Variants in ARHGAP27 observed in about 807,000 individuals in gnomAD.
The protein encoded by ARHGAP27 is rho GTPase-activating protein 27.
ARHGAP27 carries 53 observed loss-of-function variants against 102.0 expected under a neutral mutation model. The observed-to-expected ratio is 0.52, with a 90% CI of 0.42 to 0.65. The LOEUF (loss-of-function observed/expected upper bound fraction) is 0.65. Among genes scored for constraint, ARHGAP27 ranks in the 30% least tolerant of loss-of-function variants. The pLI, the probability that ARHGAP27 is intolerant of heterozygous loss-of-function variation, is 0.00. For synonymous variants in ARHGAP27, 525 were observed against 542.8 expected (o/e 0.97, Z 0.46); for missense variants, 1,117 against 1,256.2 (o/e 0.89, Z 1.68).
At position 45,432,427 on chromosome 17, in the gene ARHGAP27, G is replaced by A. The variant is rs189623303; in HGVS notation, c.-284-78C>T. On this transcript the variant is annotated intron_variant, in intron 1 of 19. Transcript: ENST00000685559. ...AGCGCGACAGCGCACCAGTCGCCAG[G>A]AGGTCCCCTGCGTCCACTGCCCAGG... is the stretch of plus-strand genomic sequence containing the variant. 597 of 153,032 alleles carry A rather than the reference G, an allele frequency of 3.9e-3. 3 individuals are homozygous for A. The highest frequency in any genetic ancestry group is 4.2e-3 in the Non-Finnish European group (287 of 68,228). The allele number at this position is 153,032 out of a possible 1,614,324, so 9.5% of individuals were successfully genotyped here. A position where few individuals can be genotyped will look rare whatever the true frequency, so the allele number is the denominator to read the frequency against.
chr17:45,397,638 G>A (rs1284006341), intron 13 of ARHGAP27: 2 of 345,902 alleles, frequency 5.8e-6, no homozygotes, highest in East Asian at 4.4e-5. Context: ...TTATCTGCTA[G>A]TTTCAGCCTG....
intron 6 of ARHGAP27, 77 bp from the exon 7 acceptor site, chr17:45,404,758 C>G (rs1211733205): frequency 6.5e-7 from 1 of 1,528,922 alleles, no homozygotes; most frequent in Non-Finnish European, 8.9e-7. Context: ...AACCAGGTTC[C>G]AAGACAGCAC....
intron 4 of ARHGAP27, among the ~76,000 whole-genome samples, chr17:45,416,021 C>G (rs2048408155): frequency 6.6e-6 from 1 of 151,394 alleles, no homozygotes; most frequent in African/African-American, 2.4e-5. Context: ...GAGATGCATG[C>G]TGAAGTTTTT....
intron 16 of ARHGAP27, 63 bp from the exon 17 acceptor site, chr17:45,396,347 C>A: frequency 2.6e-6 from 4 of 1,517,250 alleles, no homozygotes; most frequent in Non-Finnish European, 3.5e-6. Flanking sequence ...GCTACGGGTC[C>A]CTGCTATGAC....
intron 4 of ARHGAP27, chr17:45,407,423 G>C (rs1289836290): frequency 6.6e-6 from 1 of 152,196 alleles, no homozygotes; most frequent in East Asian, 1.9e-4. Flanking sequence ...GCCCCACAGA[G>C]GGACAGATGA....
At chr17:45,412,962 CTTTTTTTTT>C (rs36233058) in intron 4 of ARHGAP27, among the ~76,000 whole-genome samples, 4 of 41,140 alleles carry the variant, frequency 9.7e-5, no homozygotes, top group South Asian at 1.3e-3. Context: ...TCAGTATAAT[CTTTTTTTTT>C]TTTTTTTTTT....
At position 45,395,738 on chromosome 17, in the gene ARHGAP27, G is replaced by A. The variant is rs554944521; in HGVS notation, c.2492+6C>T. 1.1e-5 allele frequency: 18 copies of A among 1,587,354 alleles called. No homozygotes were observed. The highest frequency in any genetic ancestry group is 1.7e-4 in the Middle Eastern group (1 of 6,014). ...TCCCCCTTCCCGCGCGGGCCGCCCG[G>A]CTCACCGGCAGAGGTGCTGGAAGAG... is the stretch of plus-strand genomic sequence containing the variant. On this transcript the variant is annotated splice_donor_region_variant and intron_variant, in intron 19 of 19. Coordinates refer to ENST00000685559, the MANE Select transcript of ARHGAP27 (RefSeq NM_001282290.2).
chr17:45,406,053 T>A lies in ARHGAP27; in HGVS notation c.688A>T (p.Asn230Tyr). The A allele has an allele frequency of 6.5e-7, 1 of 1,529,360 alleles. No individual in the cohort carries two copies. Among genetic ancestry groups the A allele is most frequent in the South Asian group, 1.2e-5 (1 of 83,804 alleles). The allele number at this position is 1,529,360 out of a possible 1,614,324, so 94.7% of individuals were successfully genotyped here. Residue 230 changes from asparagine to tyrosine, a missense_variant, in exon 5 of 20, where the codon AAC (asparagine) becomes TAC (tyrosine). Physicochemically the swap from Asn to Tyr is moderately radical, Grantham distance 143. Coordinates refer to ENST00000685559, the MANE Select transcript of ARHGAP27 (RefSeq NM_001282290.2). ...VDDPPEPVYA[N>Y]IERQPRATSP... ...GTGGCCCGGGGCTGCCTCTCTATGT[T>A]CGCGTACACGGGCTCCGGTGGGTCG... is the stretch of plus-strand genomic sequence containing the variant.
chr17:45,397,321 C>T (rs1319952448), intron 13 of ARHGAP27: 1 of 1,299,268 alleles, frequency 7.7e-7, no homozygotes, highest in Non-Finnish European at 9.8e-7. Flanking sequence ...CTATTTTCCT[C>T]AGCTCCTCTA....
chr17:45,429,446 C>A (rs1285040172), intron 4 of ARHGAP27, 177 bp downstream of exon 4: 6 of 1,436,534 alleles, frequency 4.2e-6, no homozygotes, highest in Non-Finnish European at 4.5e-6. Context: ...TGAGGGACTG[C>A]GGGCGTGCAC....
At position 45,429,613 on chromosome 17, in the gene ARHGAP27, G is replaced by C. The variant is rs1416287840; in HGVS notation, c.657+10C>G. ...CACCCGCCTCCGCGCCCCAGCGCCC[G>C]GGGAGGTACCTGCTCTGCGCTCTCC... On this transcript the variant is annotated intron_variant, in intron 4 of 19. Transcript: ENST00000685559. 12 of 1,576,380 alleles carry C rather than the reference G, an allele frequency of 7.6e-6. No homozygotes were observed. In the East Asian group the frequency reaches 2.8e-4, roughly 37 times the overall value.
intron 4 of ARHGAP27, among the ~76,000 whole-genome samples, chr17:45,415,954 C>T (rs2048403596): frequency 1.3e-5 from 2 of 151,858 alleles, no homozygotes; most frequent in African/African-American, 4.8e-5. Flanking sequence ...ATAGATGACA[C>T]TAAGGAATTA....
In ARHGAP27 at chr17:45,399,591, C is replaced by CAAAGA. The variant is rs60195760; in HGVS notation, c.1744-1549_1744-1545dup. Among the ~76,000 whole-genome samples the CAAAGA allele has an allele frequency of 9.1e-4, 128 of 141,242 alleles. 3 individuals carry two copies. The highest frequency in any genetic ancestry group is 1.4e-3 in the South Asian group (6 of 4,324). 92.7% of individuals were successfully genotyped at this position (141,242 alleles called of 152,430 possible). A position where few individuals can be genotyped will look rare whatever the true frequency, so the allele number is the denominator to read the frequency against. On this transcript the variant is annotated intron_variant, in intron 12 of 19. Transcript: ENST00000685559. ...AGGGCAACAGAGCAACACTCTGTCT[C>CAAAGA]AAAGAAAAGAAAAGAAAAGAAAAGA...
intron 4 of ARHGAP27, chr17:45,408,089 G>A (rs1334607071): frequency 6.6e-6 from 1 of 151,526 alleles, no homozygotes; most frequent in Non-Finnish European, 1.5e-5. Flanking sequence ...ACCTGTTCAG[G>A]GTGGTCTCTC....
intron 4 of ARHGAP27, among the ~76,000 whole-genome samples, chr17:45,416,033 T>TTG (rs2048413183): frequency 9.3e-6 from 1 of 107,330 alleles, no homozygotes; most frequent in Non-Finnish European, 2.3e-5. Flanking sequence ...GAAGTTTTTG[T>TTG]TTTTTTTTTT....
chr17:45,396,379 CT>C, intron 16 of ARHGAP27, 95 bp from the exon 17 acceptor site: 1 of 1,473,956 alleles, frequency 6.8e-7, no homozygotes. Context: ...GCCTCCCGTA[CT>C]TTCCCCCTGG....
chr17:45,399,715 A>G (rs1238146940), intron 12 of ARHGAP27, among the ~76,000 whole-genome samples: 1 of 152,242 alleles, frequency 6.6e-6, no homozygotes, highest in Non-Finnish European at 1.5e-5. Context: ...AAAGCAGACA[A>G]GAGCCCTGCT....
chr17:45,419,512 GTATATATATATATATATATA>G (rs71136087), intron 4 of ARHGAP27, among the ~76,000 whole-genome samples: 36,831 of 119,920 alleles, frequency 0.31, 5,446 homozygotes, highest in African/African-American at 0.33. Flanking sequence ...TATGCTGTAT[GTATATATATATATATATATA>G]TATATATATA....
At chr17:45,417,880 C>T (rs747206902) in intron 4 of ARHGAP27, among the ~76,000 whole-genome samples, 17 of 151,970 alleles carry the variant, frequency 1.1e-4, no homozygotes, top group African/African-American at 3.6e-4. Flanking sequence ...GGTGAAACCC[C>T]GTCTCTACTA....
Sources: gnomAD v4.1 joint callset for allele counts (sites outside exome capture counted in the v4.1 genomes callset) on GRCh38, gnomAD v4.1.1 for gene constraint, MANE v1.5 for transcripts, NCBI Gene and HGNC (gene_info 2026-07-23, HGNC 2026-07-21) for gene names.